SLC8A3: variants seen among roughly 807,000 people sequenced by gnomAD.
SLC8A3 encodes the protein solute carrier family 8 member A3, also known as sodium/calcium exchanger 3.
SLC8A3 carries 37 observed loss-of-function variants against 65.4 expected under a neutral mutation model. The observed-to-expected ratio is 0.57, with a 90% CI of 0.44 to 0.74. SLC8A3 has a LOEUF of 0.74. Ranked by LOEUF, SLC8A3 falls within the 30% of genes least tolerant of loss-of-function variation. SLC8A3 has a pLI of 0.00. For missense variants in SLC8A3, 1,112 were observed against 1,172.1 expected (o/e 0.95, Z 0.75); for synonymous variants, 461 against 444.5 (o/e 1.04, Z -0.47).
intron 2 of SLC8A3, among the ~76,000 whole-genome samples, chr14:70,131,067 T>C (rs964102290): frequency 1.3e-5 from 2 of 151,944 alleles, no homozygotes; most frequent in Non-Finnish European, 2.9e-5. Flanking sequence ...TGGGGCATGG[T>C]AGAGAAAAAG....
rs756166025 is a variant in SLC8A3, at chr14:70,046,112, A to C, written c.2601T>G (p.Phe867Leu). ...FSVTLFTIFA[F>L]VCISVLLYRR... Reference sequence around the variant, plus strand: ...GGTACAAGAGCACGCTGATGCAGACAAATGCAAAGATGGTGAAGAGGGTGA... The same window carrying C: ...GGTACAAGAGCACGCTGATGCAGACCAATGCAAAGATGGTGAAGAGGGTGA... Residue 867 changes from phenylalanine (F) to leucine (L), a missense_variant, in exon 7 of 7, where the codon TTT becomes TTG. By Grantham distance (22) the Phe-to-Leu change is conservative (BLOSUM62 0). Transcript: ENST00000356921. The surrounding 1 kb of genome is among the most constrained non-coding windows in gnomAD (Gnocchi z 4.2). 6 of 1,614,180 alleles carry C rather than the reference A, an allele frequency of 3.7e-6. No homozygotes were observed. In the South Asian group the frequency reaches 5.5e-5, roughly 15 times the overall value.
chr14:70,148,465 T>C (rs1896067814), intron 2 of SLC8A3, among the ~76,000 whole-genome samples: 1 of 152,068 alleles, frequency 6.6e-6, no homozygotes, highest in African/African-American at 2.4e-5. Context: ...CAGAAGACAT[T>C]TAGATACAAT....
At chr14:70,076,222 T>C (rs1890503834) in intron 2 of SLC8A3, among the ~76,000 whole-genome samples, 1 of 152,250 alleles carries the variant, frequency 6.6e-6, no homozygotes, top group South Asian at 2.1e-4. Context: ...TCTTTTTAAA[T>C]GTCTTAGCTT....
At chr14:70,096,551 T>A (rs1431324604) in intron 2 of SLC8A3, among the ~76,000 whole-genome samples, 1 of 152,238 alleles carries the variant, frequency 6.6e-6, no homozygotes, top group Non-Finnish European at 1.5e-5. Flanking sequence ...AGAATCAGAC[T>A]GCCCAGTTTC....
chr14:70,153,510 A>G (rs891939129), intron 2 of SLC8A3, among the ~76,000 whole-genome samples: 2 of 152,102 alleles, frequency 1.3e-5, no homozygotes, highest in African/African-American at 4.8e-5. Flanking sequence ...AAAAAACAAG[A>G]AGGGGGTGTT....
intron 2 of SLC8A3, among the ~76,000 whole-genome samples, chr14:70,114,611 C>G (rs1186551224): frequency 6.6e-6 from 1 of 152,180 alleles, no homozygotes; most frequent in Admixed American, 6.5e-5. Flanking sequence ...TGCCCCCATC[C>G]CTGCCCTCCT....
In SLC8A3 at chr14:70,116,355, G is replaced by GTA. The variant is rs1555376359; in HGVS notation, c.1784+50282_1784+50283dup. Among the ~76,000 whole-genome samples the GTA allele has an allele frequency of 4.6e-3, 684 of 147,502 alleles. 2 individuals carry two copies. The highest frequency in any genetic ancestry group is 0.016 in the African/African-American group (640 of 40,536). On this transcript the variant is annotated intron_variant, in intron 2 of 6. Coordinates refer to ENST00000356921, the MANE Select transcript of SLC8A3 (RefSeq NM_182932.3). ...TGTGTGTGTGTGTGTGTGTGTGTGT[G>GTA]TATGTGTGTGCACGTTTGTGTGCAG...
At chr14:70,088,529 C>A (rs1348854724) in intron 2 of SLC8A3, among the ~76,000 whole-genome samples, 4 of 152,172 alleles carry the variant, frequency 2.6e-5, no homozygotes, top group African/African-American at 9.7e-5. Context: ...AGACCTGGCT[C>A]ATAGGTTTCC....
intron 2 of SLC8A3, among the ~76,000 whole-genome samples, chr14:70,072,831 C>T (rs945274057): frequency 2.0e-5 from 3 of 151,928 alleles, no homozygotes; most frequent in African/African-American, 4.8e-5. Context: ...TATTTTTAGT[C>T]GAGATGGGGT....
At chr14:70,054,263 G>A (rs1887828719) in intron 3 of SLC8A3, among the ~76,000 whole-genome samples, 1 of 151,524 alleles carries the variant, frequency 6.6e-6, no homozygotes, top group African/African-American at 2.4e-5. Context: ...TGGGGGTGGG[G>A]GGGTGGTTAG....
chr14:70,050,079 A>G (rs1224238108), intron 5 of SLC8A3, among the ~76,000 whole-genome samples: 2 of 152,216 alleles, frequency 1.3e-5, no homozygotes, highest in Non-Finnish European at 2.9e-5. Context: ...TGCCATGAAG[A>G]AAATCTGTAA....
chr14:70,111,606 AAAG>A (rs1893307012), intron 2 of SLC8A3, among the ~76,000 whole-genome samples: 1 of 152,254 alleles, frequency 6.6e-6, no homozygotes, highest in Non-Finnish European at 1.5e-5. Context: ...ATAAAAATAC[AAAG>A]AAGAGTTTGA....
intron 4 of SLC8A3, 98 bp from the exon 5 acceptor site, chr14:70,051,205 A>G (rs780339698): frequency 2.5e-6 from 2 of 800,502 alleles, no homozygotes; most frequent in Non-Finnish European, 4.3e-6. Flanking sequence ...CCTGTCTCCA[A>G]GGTGTTCTGA....
chr14:70,159,715 C>T (rs10483825), intron 2 of SLC8A3, among the ~76,000 whole-genome samples: 25,157 of 152,244 alleles, frequency 0.17, 2,491 homozygotes, highest in Non-Finnish European at 0.22. Flanking sequence ...AAGTAAGCTA[C>T]GCCCATGGCA....
chr14:70,063,917 G>T, intron 2 of SLC8A3: 1 of 1,601,226 alleles, frequency 6.2e-7, no homozygotes, highest in Non-Finnish European at 8.6e-7. Context: ...TTACCTTGAT[G>T]TGAATTGTTT....
At position 70,179,477 on chromosome 14, in the gene SLC8A3, T is replaced by C. The variant is rs193025195; in HGVS notation, c.-63+8902A>G. Among the ~76,000 whole-genome samples, 4 of 152,312 alleles carry C rather than the reference T, an allele frequency of 2.6e-5. No individual in the cohort carries two copies. In the East Asian group the frequency reaches 7.7e-4, roughly 29 times the overall value. ...ATGCAAAATGACTCTACAGGAGTTT[T>C]CATTAAGTGATTCTGGAAAGATGCA... On this transcript the variant is annotated intron_variant, in intron 1 of 6. Transcript: ENST00000356921.
At chr14:70,051,944 A>T (rs1398847338) in intron 4 of SLC8A3, 46 bp downstream of exon 4, 1 of 1,555,416 alleles carries the variant, frequency 6.4e-7, no homozygotes, top group Admixed American at 1.7e-5. Context: ...TCTGCCTCCC[A>T]CTTTAATTTA....
chr14:70,077,772 C>A (rs955001194), intron 2 of SLC8A3, among the ~76,000 whole-genome samples: 5 of 152,234 alleles, frequency 3.3e-5, no homozygotes, highest in African/African-American at 9.6e-5. Context: ...TTGCACTCTG[C>A]CCTCGCTTCA....
At chr14:70,104,500 T>C (rs903000503) in intron 2 of SLC8A3, among the ~76,000 whole-genome samples, 2 of 152,182 alleles carry the variant, frequency 1.3e-5, no homozygotes, top group Admixed American at 1.3e-4. Context: ...TCAATTCGTC[T>C]ATTATTTATG....
Sources: allele counts gnomAD v4.1 joint callset (sites outside exome capture counted in the v4.1 genomes callset), GRCh38; gene constraint gnomAD v4.1.1; non-coding constraint Gnocchi (gnomAD v3.1); transcripts MANE v1.5; gene names NCBI Gene and HGNC (gene_info 2026-07-23, HGNC 2026-07-21).